NDUFAF5: variants seen among roughly 807,000 people sequenced by gnomAD.
NDUFAF5 encodes NADH:ubiquinone oxidoreductase complex assembly factor 5.
In NDUFAF5, 34 loss-of-function variants were observed where a neutral mutation model predicts 48.9. The ratio of observed to expected loss-of-function variants is 0.70; its 90% CI spans 0.53 to 0.93. NDUFAF5 has a LOEUF of 0.93. Among genes scored for constraint, NDUFAF5 ranks in the 40% least tolerant of loss-of-function variants. The pLI, the probability that NDUFAF5 is intolerant of heterozygous loss-of-function variation, is 0.00. For missense variants in NDUFAF5, 428 were observed against 427.5 expected, an observed-to-expected ratio of 1.00 and a Z score of -0.01; for synonymous variants, 153 against 150.6, an observed-to-expected ratio of 1.02 and a Z score of -0.12.
At chr20:13,809,851 T>A (rs1248479494) in intron 8 of NDUFAF5, among the ~76,000 whole-genome samples, 1 of 152,212 alleles carries the variant, frequency 6.6e-6, no homozygotes, top group African/African-American at 2.4e-5. Flanking sequence ...CAGTTCCTGC[T>A]GGTGGATTGG....
intron 5 of NDUFAF5, among the ~76,000 whole-genome samples, chr20:13,797,012 G>T (rs544228096): frequency 1.3e-5 from 2 of 152,138 alleles, no homozygotes; most frequent in Non-Finnish European, 2.9e-5. Context: ...AAGTTTCAGT[G>T]TATACAGCTC....
chr20:13,805,968 A>G (rs1278734131), intron 7 of NDUFAF5, among the ~76,000 whole-genome samples: 2 of 152,110 alleles, frequency 1.3e-5, no homozygotes, highest in Non-Finnish European at 1.5e-5. Flanking sequence ...TCATTTTCTA[A>G]AAATTCCCAT....
At chr20:13,814,847 C>A (rs1986281555) in intron 8 of NDUFAF5, among the ~76,000 whole-genome samples, 1 of 152,096 alleles carries the variant, frequency 6.6e-6, no homozygotes, top group Non-Finnish European at 1.5e-5. Flanking sequence ...GGAGTGTGAT[C>A]CCAAAGTCCA....
intron 8 of NDUFAF5, among the ~76,000 whole-genome samples, chr20:13,813,475 T>C (rs756988672): frequency 1.3e-5 from 2 of 152,208 alleles, no homozygotes; most frequent in Non-Finnish European, 2.9e-5. Context: ...ACTTAGCGTT[T>C]ATTGAGCATC....
intron 7 of NDUFAF5, among the ~76,000 whole-genome samples, chr20:13,804,255 G>A (rs1250686029): frequency 6.6e-6 from 1 of 152,060 alleles, no homozygotes; most frequent in Admixed American, 6.5e-5. Context: ...ACCCATCGTA[G>A]AATAAGAGGT....
rs1290397470 is a variant in NDUFAF5, at chr20:13,819,332, A to T, written c.*2122A>T. 1 of 152,144 alleles carries T rather than the reference A, an allele frequency of 6.6e-6. No individual in the cohort carries two copies. 9.4% of individuals were successfully genotyped at this position (152,144 alleles called of 1,614,324 possible). A position where few individuals can be genotyped will look rare whatever the true frequency, so the allele number is the denominator to read the frequency against. ...TTACATTCTTAAATGGTATATGATAAATAATCATCTTTTTTGTTGGTTTAT... is the reference window on the plus strand; with the variant it reads ...TTACATTCTTAAATGGTATATGATATATAATCATCTTTTTTGTTGGTTTAT... On this transcript the variant is annotated 3_prime_UTR_variant, in exon 11 of 11. Transcript: ENST00000378106.
In NDUFAF5 at chr20:13,820,747, G is replaced by A. The variant is rs1489131308; in HGVS notation, c.*3537G>A. ...TTGATTATGTATTCCTTAAGTAGGAGTGGAATAAAAGTATTTTACCGTGGA... is the reference window on the plus strand; with the variant it reads ...TTGATTATGTATTCCTTAAGTAGGAATGGAATAAAAGTATTTTACCGTGGA... On this transcript the variant is annotated 3_prime_UTR_variant, in exon 11 of 11. Transcript: ENST00000378106. 1 of 152,102 alleles carries A rather than the reference G, an allele frequency of 6.6e-6. No individual in the cohort carries two copies. The highest frequency in any genetic ancestry group is 1.5e-5 in the Non-Finnish European group (1 of 68,004). The allele number at this position is 152,102 out of a possible 1,614,324, so 9.4% of individuals were successfully genotyped here. A position where few individuals can be genotyped will look rare whatever the true frequency, so the allele number is the denominator to read the frequency against.
rs370452608 is a variant in NDUFAF5 at position 13,816,598 on chromosome 20, C to T, written c.862+52C>T. 29 of 1,401,450 alleles carry T rather than the reference C, an allele frequency of 2.1e-5. No homozygotes were observed. In the African/African-American group the frequency reaches 3.8e-4, roughly 18 times the overall value. The allele number at this position is 1,401,450 out of a possible 1,614,324, so 86.8% of individuals were successfully genotyped here. The stretch of plus-strand genomic sequence containing the variant: ...CCTCACCAAGGCACTTGTGCTGTAT[C>T]ATGTTGATTCCCTTCACGTTGCCAA... On this transcript the variant is annotated intron_variant, in intron 9 of 10. Coordinates refer to ENST00000378106, the MANE Select transcript of NDUFAF5 (RefSeq NM_024120.5).
At chr20:13,816,197 G>A in intron 8 of NDUFAF5, 1 of 502,348 alleles carries the variant, frequency 2.0e-6, no homozygotes, top group South Asian at 2.0e-5. Flanking sequence ...GCTTACTTTA[G>A]ACCATTGCTG....
intron 7 of NDUFAF5, among the ~76,000 whole-genome samples, chr20:13,806,495 G>T (rs368221270): frequency 9.9e-5 from 15 of 152,206 alleles, no homozygotes; most frequent in African/African-American, 3.6e-4. Flanking sequence ...GGCGCTGGGT[G>T]GCAAAGTGAG....
Position 13,821,261 on chromosome 20 carries a change from T to G in NDUFAF5, c.*4051T>G, listed in dbSNP as rs1986964586. 1 of 152,264 alleles carries G rather than the reference T, an allele frequency of 6.6e-6. No homozygotes were observed. Among genetic ancestry groups the G allele is most frequent in the Non-Finnish European group, 1.5e-5 (1 of 68,072 alleles). 9.4% of individuals were successfully genotyped at this position (152,264 alleles called of 1,614,324 possible). A position where few individuals can be genotyped will look rare whatever the true frequency, so the allele number is the denominator to read the frequency against. On this transcript the variant is annotated 3_prime_UTR_variant, in exon 11 of 11. Transcript: ENST00000378106. ...CAACAAATAGATGGTGTGTCACTTC[T>G]GAGACTAGGTAATAAAAGGCATTGC...
intron 8 of NDUFAF5, among the ~76,000 whole-genome samples, chr20:13,815,494 A>T (rs1319945640): frequency 6.6e-6 from 1 of 152,216 alleles, no homozygotes; most frequent in Non-Finnish European, 1.5e-5. Flanking sequence ...AGAGTAGTAG[A>T]AATCTTTTGA....
At chr20:13,809,788 T>C (rs1294091314) in intron 8 of NDUFAF5, among the ~76,000 whole-genome samples, 1 of 152,184 alleles carries the variant, frequency 6.6e-6, no homozygotes, top group Non-Finnish European at 1.5e-5. Context: ...GTGGTGGCAA[T>C]GGAGATGAAG....
At chr20:13,785,410 C>G in intron 1 of NDUFAF5, 120 bp downstream of exon 1, 1 of 817,740 alleles carries the variant, frequency 1.2e-6, no homozygotes, top group Non-Finnish European at 1.9e-6. Context: ...GACCAGCAGC[C>G]CTGCCTCTTT....
chr20:13,807,047 A>AT (rs11474866), intron 7 of NDUFAF5, among the ~76,000 whole-genome samples: 11 of 134,512 alleles, frequency 8.2e-5, no homozygotes, highest in Admixed American at 1.5e-4. Flanking sequence ...ACACCCAGCA[A>AT]TTTTTTTTTT....
intron 2 of NDUFAF5, among the ~76,000 whole-genome samples, chr20:13,788,367 T>G (rs1469822622): frequency 6.6e-6 from 1 of 152,142 alleles, no homozygotes. Flanking sequence ...AGCCACCTGG[T>G]GGAAAGCTGG....
At position 13,807,962 on chromosome 20, in the gene NDUFAF5, A is replaced by T. The variant is rs556554845; in HGVS notation, c.718-880A>T. 3.6e-3 allele frequency among the ~76,000 whole-genome samples: 515 copies of T among 142,374 alleles called. 2 individuals are homozygous for T. Among genetic ancestry groups the T allele is most frequent in the African/African-American group, 0.013 (483 of 37,796 alleles). 93.4% of individuals were successfully genotyped at this position (142,374 alleles called of 152,430 possible). A position where few individuals can be genotyped will look rare whatever the true frequency, so the allele number is the denominator to read the frequency against. On this transcript the variant is annotated intron_variant, in intron 7 of 10. Transcript: ENST00000378106. Reference sequence around the variant, plus strand: ...AGAATCCGTCTTAAAAAAAAAAAAAATTATTTTAGGCTAGTTTCCAATAAG... The same window carrying T: ...AGAATCCGTCTTAAAAAAAAAAAAATTTATTTTAGGCTAGTTTCCAATAAG...
chr20:13,809,402 A>G (rs1985539369), intron 8 of NDUFAF5, among the ~76,000 whole-genome samples: 2 of 152,214 alleles, frequency 1.3e-5, no homozygotes, highest in Admixed American at 1.3e-4. Flanking sequence ...TCTAAAAAAA[A>G]ATGGAGATGA....
chr20:13,801,806 T>C (rs1237789195), intron 7 of NDUFAF5, 123 bp downstream of exon 7: 9 of 832,348 alleles, frequency 1.1e-5, no homozygotes, highest in Admixed American at 2.5e-5. Flanking sequence ...CCTTTTTTTT[T>C]CTCTTTTTAA....
Sources: allele counts gnomAD v4.1 joint callset (sites outside exome capture counted in the v4.1 genomes callset), GRCh38; gene constraint gnomAD v4.1.1; transcripts MANE v1.5; gene names NCBI Gene and HGNC (gene_info 2026-07-23, HGNC 2026-07-21).